Variants in CPSF3 observed in about 807,000 individuals in gnomAD.
CPSF3 encodes the protein cleavage and polyadenylation specific factor 3.
A neutral mutation model predicts 84.1 loss-of-function variants in CPSF3; 57 were observed. The ratio of observed to expected loss-of-function variants is 0.68; its 90% CI spans 0.55 to 0.85. The LOEUF (loss-of-function observed/expected upper bound fraction) is 0.85. CPSF3 is among the 40% of genes least tolerant of loss of function. The pLI, the probability that CPSF3 is intolerant of heterozygous loss-of-function variation, is 0.00. For synonymous variants in CPSF3, 275 were observed against 278.1 expected, an observed-to-expected ratio of 0.99 and a Z score of 0.11; for missense variants, 522 against 838.8, an observed-to-expected ratio of 0.62 and a Z score of 4.66.
intron 7 of CPSF3, among the ~76,000 whole-genome samples, chr2:9,439,134 A>C (rs1680881309): frequency 1.3e-5 from 2 of 152,226 alleles, no homozygotes; most frequent in Admixed American, 6.5e-5. Flanking sequence ...TGTGACAGAA[A>C]GTCTTTGTCC....
At chr2:9,439,400 G>C (rs1003488086) in intron 7 of CPSF3, among the ~76,000 whole-genome samples, 5 of 151,538 alleles carry the variant, frequency 3.3e-5, no homozygotes, top group African/African-American at 4.9e-5. Flanking sequence ...ATGAACCCGG[G>C]AGGCGGAACT....
At chr2:9,471,579 G>A in intron 17 of CPSF3, 140 bp downstream of exon 17, 1 of 619,968 alleles carries the variant, frequency 1.6e-6, no homozygotes, top group Non-Finnish European at 2.9e-6. Context: ...TTTTCACATT[G>A]TTCTTTTTAT....
chr2:9,437,010 A>G (rs1680807125), intron 7 of CPSF3, among the ~76,000 whole-genome samples: 1 of 152,222 alleles, frequency 6.6e-6, no homozygotes, highest in Non-Finnish European at 1.5e-5. Flanking sequence ...GAAATATGTG[A>G]GTAAATATAG....
chr2:9,429,142 C>G (rs1279847893), intron 2 of CPSF3, among the ~76,000 whole-genome samples: 1 of 152,238 alleles, frequency 6.6e-6, no homozygotes, highest in Non-Finnish European at 1.5e-5. Flanking sequence ...ATCCCAAGGG[C>G]CCAAGCACTC....
intron 9 of CPSF3, among the ~76,000 whole-genome samples, chr2:9,442,618 A>G (rs969589053): frequency 3.9e-5 from 6 of 152,262 alleles, no homozygotes; most frequent in South Asian, 2.1e-4. Flanking sequence ...TGGGAGGCCA[A>G]GGCGGGCGGA....
At position 9,441,865 on chromosome 2, in the gene CPSF3, C is replaced by T. The variant is rs1304586860; in HGVS notation, c.984C>T (p.Ser328=). Residue 328 remains serine, a synonymous_variant, in exon 9 of 18, where the codon TCC becomes TCT. Coordinates refer to ENST00000238112, the MANE Select transcript of CPSF3 (RefSeq NM_016207.4). ...TTGGTCCCAGTGTTGTAATGGCCTC[C>T]CCAGGCATGATGCAAAGTGGCTTAT... ...DDIGPSVVMA[S]PGMMQSGLSR... 3 of 1,613,922 alleles carry T rather than the reference C, an allele frequency of 1.9e-6. No homozygotes were observed. Among genetic ancestry groups the T allele is most frequent in the East Asian group, 2.2e-5 (1 of 44,884 alleles).
At position 9,423,756 on chromosome 2, in the gene CPSF3, C is replaced by G; in HGVS notation, c.-18C>G. 6.2e-7 allele frequency: 1 copy of G among 1,613,014 alleles called. No homozygotes were observed. The highest frequency in any genetic ancestry group is 8.5e-7 in the Non-Finnish European group (1 of 1,179,510). On this transcript the variant is annotated 5_prime_UTR_variant, in exon 1 of 18. Coordinates refer to ENST00000238112, the MANE Select transcript of CPSF3 (RefSeq NM_016207.4). ...GGCGACCTGTTCCTCACCCCCGCTTCGCCCTCACACTTTCGGGATGTCTGC... is the reference window on the plus strand; with the variant it reads ...GGCGACCTGTTCCTCACCCCCGCTTGGCCCTCACACTTTCGGGATGTCTGC...
chr2:9,443,421 A>T, intron 9 of CPSF3, 94 bp from the exon 10 acceptor site: 1 of 1,314,868 alleles, frequency 7.6e-7, no homozygotes, highest in Non-Finnish European at 1.0e-6. Context: ...TCCTAAATTT[A>T]ACATGAATTT....
At chr2:9,455,465 T>TGG (rs1414964757) in intron 12 of CPSF3, among the ~76,000 whole-genome samples, 194 bp from the exon 13 acceptor site, 1 of 152,070 alleles carries the variant, frequency 6.6e-6, no homozygotes, top group African/African-American at 2.4e-5. Flanking sequence ...GGAGCAGAAG[T>TGG]TAACTGAAGG....
Position 9,459,624 on chromosome 2 carries a change from A to C in CPSF3, c.1786+6A>C. ...AAATCCCAAAATAAGAAAAGGTAAG[A>C]GTTCATTTTTATCCTTTTTTTTTTT... On this transcript the variant is annotated splice_donor_region_variant and intron_variant, in intron 15 of 17. Coordinates refer to ENST00000238112, the MANE Select transcript of CPSF3 (RefSeq NM_016207.4). 1 of 625,352 alleles carries C rather than the reference A, an allele frequency of 1.6e-6. No homozygotes were observed. Among genetic ancestry groups the C allele is most frequent in the Non-Finnish European group, 2.8e-6 (1 of 361,574 alleles). The allele number at this position is 625,352 out of a possible 1,614,324, so 38.7% of individuals were successfully genotyped here.
intron 16 of CPSF3, among the ~76,000 whole-genome samples, chr2:9,470,212 C>T (rs1008097162): frequency 8.5e-5 from 13 of 152,306 alleles, no homozygotes; most frequent in African/African-American, 3.1e-4. Context: ...ACAAGCAAGA[C>T]TCCGTCTCAA....
At chr2:9,451,416 A>G (rs1379110012) in intron 11 of CPSF3, among the ~76,000 whole-genome samples, 2 of 152,126 alleles carry the variant, frequency 1.3e-5, no homozygotes, top group African/African-American at 4.8e-5. Flanking sequence ...GGAACACACT[A>G]CCTTTATTCC....
At chr2:9,465,646 C>T (rs1332083576) in intron 15 of CPSF3, among the ~76,000 whole-genome samples, 2 of 152,012 alleles carry the variant, frequency 1.3e-5, no homozygotes, top group Non-Finnish European at 2.9e-5. Flanking sequence ...GACTTCTTCC[C>T]ATCCAAACTT....
intron 11 of CPSF3, among the ~76,000 whole-genome samples, chr2:9,451,506 G>A (rs958785277): frequency 1.3e-5 from 2 of 152,106 alleles, no homozygotes; most frequent in East Asian, 3.9e-4. Flanking sequence ...GCTCTCGCCT[G>A]TAATCCCAGC....
rs1310566041 is a variant in CPSF3 at position 9,472,995 on chromosome 2, AG to A, written c.2035del (p.Ala679ProfsTer2). 4 of 1,613,690 alleles carry A rather than the reference AG, an allele frequency of 2.5e-6. No homozygotes were observed. In the South Asian group the frequency reaches 4.4e-5, roughly 18 times the overall value. ...GAGCTGGCTGCACAGAGACTGTACG[AG>A]GCCCTGACGCCAGTTCACTGAGACT... Reference protein sequence around the residue: ...MVELAAQRLYEALTPVH With the variant: ...MVELAAQRLYXALTPVH On this transcript the variant is annotated frameshift_variant, in exon 18 of 18. Transcript: ENST00000238112. LOFTEE classifies it high-confidence loss of function.
chr2:9,465,118 A>G (rs16867032), intron 15 of CPSF3, among the ~76,000 whole-genome samples: 2,382 of 152,310 alleles, frequency 0.016, 60 homozygotes, highest in African/African-American at 0.054. Flanking sequence ...TCTTTTCCGT[A>G]GAGTAGATTG....
chr2:9,444,975 GT>G (rs1269132881), intron 10 of CPSF3, among the ~76,000 whole-genome samples: 2 of 152,056 alleles, frequency 1.3e-5, no homozygotes, highest in African/African-American at 2.4e-5. Context: ...CTTGCTTGTT[GT>G]TTTTTAAATA....
intron 4 of CPSF3, among the ~76,000 whole-genome samples, chr2:9,432,183 T>A (rs909320510): frequency 6.6e-6 from 1 of 151,992 alleles, no homozygotes; most frequent in African/African-American, 2.4e-5. Context: ...CTTTCAGGAG[T>A]GTTGGGGTGG....
At chr2:9,471,306 G>C (rs1160378530) in intron 16 of CPSF3, 37 bp from the exon 17 acceptor site, 2 of 1,216,750 alleles carry the variant, frequency 1.6e-6, no homozygotes, top group Non-Finnish European at 2.4e-6. Flanking sequence ...ATAAAGCCGG[G>C]CATTTTCACT....
Sources: allele counts gnomAD v4.1 joint callset (sites outside exome capture counted in the v4.1 genomes callset), GRCh38; gene constraint gnomAD v4.1.1; transcripts MANE v1.5; gene names NCBI Gene and HGNC (gene_info 2026-07-23, HGNC 2026-07-21).